CEP112: variants seen among roughly 807,000 people sequenced by gnomAD.
The protein encoded by CEP112 is centrosomal protein 112.
CEP112 carries 127 observed loss-of-function variants against 153.0 expected under a neutral mutation model. The observed-to-expected ratio is 0.83, with a 90% CI of 0.72 to 0.96. CEP112 has a LOEUF of 0.96. Among genes scored for constraint, CEP112 ranks in the 40% least tolerant of loss-of-function variants. The pLI, the probability that CEP112 is intolerant of heterozygous loss-of-function variation, is 0.00. For missense variants in CEP112, 1,089 were observed against 1,101.2 expected, an observed-to-expected ratio of 0.99 and a Z score of 0.16; for synonymous variants, 358 against 374.4, an observed-to-expected ratio of 0.96 and a Z score of 0.51.
At chr17:65,848,156 T>C (rs2057795139) in intron 21 of CEP112, among the ~76,000 whole-genome samples, 1 of 152,242 alleles carries the variant, frequency 6.6e-6, no homozygotes, top group Admixed American at 6.5e-5. Context: ...CCCCAAAATA[T>C]ATTCTCTTTA....
intron 5 of CEP112, among the ~76,000 whole-genome samples, chr17:66,131,761 A>G (rs950613277): frequency 5.3e-5 from 8 of 152,022 alleles, no homozygotes; most frequent in African/African-American, 1.9e-4. Flanking sequence ...AAACAAAAAC[A>G]AAAACAGTCA....
chr17:66,121,791 GT>G (rs1300753874), intron 6 of CEP112, among the ~76,000 whole-genome samples: 1 of 151,762 alleles, frequency 6.6e-6, no homozygotes, highest in Non-Finnish European at 1.5e-5. Context: ...GGAACTATAG[GT>G]GCATGCCACT....
At chr17:65,651,962 C>T (rs1328260731) in intron 24 of CEP112, among the ~76,000 whole-genome samples, 2 of 152,228 alleles carry the variant, frequency 1.3e-5, no homozygotes, top group Non-Finnish European at 1.5e-5. Flanking sequence ...CTTGGCCTCC[C>T]AAAGTGCTGG....
chr17:65,767,297 G>C (rs192935434), intron 21 of CEP112, among the ~76,000 whole-genome samples: 60 of 152,084 alleles, frequency 3.9e-4, no homozygotes, highest in African/African-American at 1.4e-3. Flanking sequence ...ATGGATCAAA[G>C]AAGAAATCAA....
intron 23 of CEP112, among the ~76,000 whole-genome samples, chr17:65,715,575 C>T (rs1327924740): frequency 5.3e-5 from 8 of 152,122 alleles, no homozygotes; most frequent in South Asian, 2.1e-4. Context: ...CTCAGTCTCC[C>T]GAGTAGCTGG....
intron 21 of CEP112, among the ~76,000 whole-genome samples, chr17:65,759,410 G>C (rs1192215427): frequency 6.6e-6 from 1 of 152,106 alleles, no homozygotes; most frequent in Admixed American, 6.6e-5. Flanking sequence ...CCCCTTTCAT[G>C]TAACACTATG....
chr17:65,980,719 C>T (rs11867935), intron 17 of CEP112, among the ~76,000 whole-genome samples: 9,841 of 152,152 alleles, frequency 0.065, 456 homozygotes, highest in South Asian at 0.12. Flanking sequence ...TAAGGTCTCC[C>T]TCAAAATGTA....
chr17:65,709,333 G>A (rs2049062499), intron 23 of CEP112, among the ~76,000 whole-genome samples: 1 of 152,160 alleles, frequency 6.6e-6, no homozygotes, highest in South Asian at 2.1e-4. Context: ...CCTGAGACTG[G>A]ATAATTTATA....
intron 20 of CEP112, among the ~76,000 whole-genome samples, chr17:65,869,490 T>C (rs572219216): frequency 1.3e-5 from 2 of 152,126 alleles, no homozygotes; most frequent in Admixed American, 1.3e-4. Context: ...AAGACTAAAG[T>C]GTGGCACCTT....
At chr17:66,025,948 C>T (rs1005872940) in intron 16 of CEP112, among the ~76,000 whole-genome samples, 1 of 118,196 alleles carries the variant, frequency 8.5e-6, no homozygotes, top group African/African-American at 3.4e-5. Flanking sequence ...CACACACACA[C>T]ATATATAGAT....
chr17:65,950,749 T>TG (rs1415720920), intron 18 of CEP112, among the ~76,000 whole-genome samples: 2 of 148,152 alleles, frequency 1.3e-5, no homozygotes, highest in African/African-American at 5.0e-5. Context: ...TATTTTGCCT[T>TG]GATGCACTGG....
intron 2 of CEP112, among the ~76,000 whole-genome samples, 168 bp downstream of exon 2, chr17:66,183,026 A>G (rs542806880): frequency 6.6e-6 from 1 of 152,322 alleles, no homozygotes; most frequent in East Asian, 1.9e-4. Context: ...TTATCACTGA[A>G]TGTCTATCTA....
intron 8 of CEP112, among the ~76,000 whole-genome samples, chr17:66,079,907 G>T (rs934851370): frequency 6.6e-6 from 1 of 152,148 alleles, no homozygotes; most frequent in East Asian, 1.9e-4. Flanking sequence ...AAACAATGGG[G>T]AAAGGATTCC....
intron 17 of CEP112, among the ~76,000 whole-genome samples, chr17:65,968,631 T>A (rs887028659): frequency 6.6e-6 from 1 of 152,222 alleles, no homozygotes; most frequent in South Asian, 2.1e-4. Flanking sequence ...ATGTCTACCC[T>A]GCTCATCACA....
chr17:65,818,288 A>C (rs1281407648), intron 21 of CEP112, among the ~76,000 whole-genome samples: 1 of 151,934 alleles, frequency 6.6e-6, no homozygotes, highest in African/African-American at 2.4e-5. Flanking sequence ...CTACCATGAA[A>C]AGAGTTTTTA....
At chr17:66,049,389 T>A (rs190935724) in intron 12 of CEP112, among the ~76,000 whole-genome samples, 13 of 152,340 alleles carry the variant, frequency 8.5e-5, no homozygotes, top group Admixed American at 2.0e-4. Context: ...TTATGACTTA[T>A]ATAACATTCT....
intron 20 of CEP112, among the ~76,000 whole-genome samples, chr17:65,863,762 A>G (rs200421995): frequency 1.1e-4 from 15 of 134,242 alleles, no homozygotes; most frequent in East Asian, 2.3e-4. Context: ...AAAAAAAAAG[A>G]AAAAAAAAAG....
At chr17:66,090,833 G>A (rs60760969) in intron 8 of CEP112, among the ~76,000 whole-genome samples, 2,186 of 152,144 alleles carry the variant, frequency 0.014, 51 homozygotes, top group African/African-American at 0.05. Flanking sequence ...TAGACTGAAA[G>A]TGAAGGAAGA....
At chr17:66,061,255 A>G (rs964463915) in intron 11 of CEP112, among the ~76,000 whole-genome samples, 3 of 152,076 alleles carry the variant, frequency 2.0e-5, no homozygotes, top group Non-Finnish European at 2.9e-5. Context: ...AGTTAGCATG[A>G]TTATTATTAA....
Sources: gnomAD v4.1 joint callset for allele counts (sites outside exome capture counted in the v4.1 genomes callset) on GRCh38, gnomAD v4.1.1 for gene constraint, MANE v1.5 for transcripts, NCBI Gene and HGNC (gene_info 2026-07-23, HGNC 2026-07-21) for gene names.